ALK: variants seen among roughly 807,000 people sequenced by gnomAD.
ALK encodes ALK tyrosine kinase receptor.
ALK carries 74 observed loss-of-function variants against 163.1 expected under a neutral mutation model. The ratio of observed to expected loss-of-function variants is 0.45; its 90% CI spans 0.38 to 0.55. ALK has a LOEUF of 0.55. Among genes scored for constraint, ALK ranks in the 20% least tolerant of loss-of-function variants. ALK has a pLI of 0.00. For synonymous variants in ALK, 960 were observed against 843.2 expected, an observed-to-expected ratio of 1.14 and a Z score of -2.40; for missense variants, 2,063 against 2,105.3, an observed-to-expected ratio of 0.98 and a Z score of 0.39.
chr2:29,296,930 A>G lies in ALK; in HGVS notation c.1775T>C (p.Leu592Pro). ...WHVAAYEGLS[L>P]WQWMVLPLLD... ...GAGAGGCAACACCATCCACTGCCAC[A>G]GGCTCAAGCCTTCATAGGCGGCGAC... The change falls in exon 9 of 29, where the codon CTG (leucine) becomes CCG (proline). Residue 592 changes from leucine (L) to proline (P), a missense_variant. Transcript: ENST00000389048. 2 of 1,614,238 alleles carry G rather than the reference A, an allele frequency of 1.2e-6. No homozygotes were observed. The highest frequency in any genetic ancestry group is 1.3e-5 in the African/African-American group (1 of 75,082).
intron 1 of ALK, among the ~76,000 whole-genome samples, chr2:29,812,122 C>T (rs1572398688): frequency 2.0e-5 from 3 of 152,190 alleles, no homozygotes; most frequent in Admixed American, 2.0e-4. Context: ...AAAAGGCACA[C>T]AGTTCTACAT....
chr2:29,454,525 G>A (rs1447554519), intron 4 of ALK, among the ~76,000 whole-genome samples: 1 of 151,996 alleles, frequency 6.6e-6, no homozygotes, highest in African/African-American at 2.4e-5. Context: ...CCACAGACAC[G>A]AAGATCTGAT....
intron 3 of ALK, among the ~76,000 whole-genome samples, chr2:29,633,758 A>C (rs1207474338): frequency 1.3e-5 from 2 of 152,152 alleles, no homozygotes; most frequent in Admixed American, 1.3e-4. Flanking sequence ...TTCAACCATC[A>C]AAAGCGTAAT....
chr2:29,647,053 G>T (rs1676895883), intron 3 of ALK, among the ~76,000 whole-genome samples: 1 of 152,142 alleles, frequency 6.6e-6, no homozygotes, highest in Admixed American at 6.6e-5. Flanking sequence ...ATGAATGGAT[G>T]AATCCAAGTC....
chr2:29,654,300 T>G (rs1677116226), intron 3 of ALK, among the ~76,000 whole-genome samples: 1 of 152,146 alleles, frequency 6.6e-6, no homozygotes, highest in Non-Finnish European at 1.5e-5. Flanking sequence ...GTATATGATC[T>G]TCAGCTTTCT....
chr2:29,396,841 T>TG (rs1553311000), intron 4 of ALK, among the ~76,000 whole-genome samples: 1 of 129,224 alleles, frequency 7.7e-6, no homozygotes, highest in Non-Finnish European at 1.6e-5. Context: ...CTATGGTTTT[T>TG]TTTTTTTTTT....
At chr2:29,640,078 G>A (rs1285659815) in intron 3 of ALK, among the ~76,000 whole-genome samples, 2 of 152,164 alleles carry the variant, frequency 1.3e-5, no homozygotes, top group African/African-American at 2.4e-5. Context: ...CTAATGCTGC[G>A]AATTAGACAG....
Position 29,631,769 on chromosome 2 carries a change from C to A in ALK, c.952+63081G>T, listed in dbSNP as rs73921134. On this transcript the variant is annotated intron_variant, in intron 3 of 28. Coordinates refer to ENST00000389048, the MANE Select transcript of ALK (RefSeq NM_004304.5). ...TGAGAATAAAGATTAGGTATCACAA[C>A]GTGGCCCTCAAGGCCCCACACCATT... Among the ~76,000 whole-genome samples, 532 of 152,352 alleles carry A rather than the reference C, an allele frequency of 3.5e-3. 1 individual carries two copies. Among genetic ancestry groups the A allele is most frequent in the African/African-American group, 0.012 (514 of 41,582 alleles).
At chr2:29,750,590 G>A (rs529284128) in intron 1 of ALK, among the ~76,000 whole-genome samples, 1 of 149,920 alleles carries the variant, frequency 6.7e-6, no homozygotes, top group Non-Finnish European at 1.5e-5. Context: ...TTGAGGTCAG[G>A]TTGATTGCTT....
At chr2:29,776,796 C>CA (rs1282486360) in intron 1 of ALK, among the ~76,000 whole-genome samples, 5 of 151,482 alleles carry the variant, frequency 3.3e-5, no homozygotes, top group Non-Finnish European at 7.4e-5. Context: ...GACCCTGTCT[C>CA]AAAAAAACAA....
At chr2:29,768,893 G>C (rs916040704) in intron 1 of ALK, among the ~76,000 whole-genome samples, 1 of 151,838 alleles carries the variant, frequency 6.6e-6, no homozygotes, top group African/African-American at 2.4e-5. Context: ...GAGTGCAGGA[G>C]CACAATCACA....
chr2:29,342,718 C>T (rs1667828918), intron 5 of ALK, among the ~76,000 whole-genome samples: 2 of 152,080 alleles, frequency 1.3e-5, no homozygotes, highest in Non-Finnish European at 2.9e-5. Flanking sequence ...AGGCCCCATG[C>T]AGAGTTCAGG....
chr2:29,833,157 G>A (rs1665465471), intron 1 of ALK, among the ~76,000 whole-genome samples: 1 of 152,218 alleles, frequency 6.6e-6, no homozygotes, highest in South Asian at 2.1e-4. Flanking sequence ...GAAGGAAAGT[G>A]AGCATCAGGC....
intron 4 of ALK, among the ~76,000 whole-genome samples, chr2:29,505,545 C>T (rs1672296455): frequency 6.6e-6 from 1 of 152,042 alleles, no homozygotes; most frequent in Non-Finnish European, 1.5e-5. Flanking sequence ...CTACGTTAGG[C>T]CAGGCACTCC....
At chr2:29,761,271 T>C (rs1157347407) in intron 1 of ALK, among the ~76,000 whole-genome samples, 1 of 151,874 alleles carries the variant, frequency 6.6e-6, no homozygotes, top group Non-Finnish European at 1.5e-5. Flanking sequence ...ATAGGAAGAG[T>C]GAATAGGCTT....
intron 4 of ALK, among the ~76,000 whole-genome samples, chr2:29,517,701 T>C (rs756803486): frequency 5.3e-5 from 8 of 152,198 alleles, no homozygotes; most frequent in Non-Finnish European, 7.3e-5. Flanking sequence ...CACCACATGA[T>C]TATCAGGATT....
At position 29,631,925 on chromosome 2, in the gene ALK, G is replaced by A. The variant is rs547263288; in HGVS notation, c.952+62925C>T. ...TGTATTGTGTGTTACTGTATTTCACGTGCACATCTCACACATGTATCATTC... is the reference window on the plus strand; with the variant it reads ...TGTATTGTGTGTTACTGTATTTCACATGCACATCTCACACATGTATCATTC... On this transcript the variant is annotated intron_variant, in intron 3 of 28. Transcript: ENST00000389048. 5.9e-5 allele frequency among the ~76,000 whole-genome samples: 9 copies of A among 152,248 alleles called. No homozygotes were observed. In the South Asian group the frequency reaches 1.9e-3, roughly 32 times the overall value.
At chr2:29,284,807 A>G (rs970551694) in intron 9 of ALK, among the ~76,000 whole-genome samples, 1 of 152,154 alleles carries the variant, frequency 6.6e-6, no homozygotes, top group Non-Finnish European at 1.5e-5. Flanking sequence ...TGAATGTTTG[A>G]TTTCTATATA....
chr2:29,788,410 T>C (rs4666272), intron 1 of ALK, among the ~76,000 whole-genome samples: 144,982 of 152,274 alleles, frequency 0.95, 69,396 homozygotes, highest in Non-Finnish European at 1. Context: ...AACAGCCTGC[T>C]GTGGAGACCA....
Sources: gnomAD v4.1 joint callset for allele counts (sites outside exome capture counted in the v4.1 genomes callset) on GRCh38, gnomAD v4.1.1 for gene constraint, MANE v1.5 for transcripts, NCBI Gene and HGNC (gene_info 2026-07-23, HGNC 2026-07-21) for gene names.